The following ANO2 variants were observed in gnomAD, a reference collection of about 807,000 sequenced individuals.
ANO2 encodes anoctamin 2, also known as anoctamin-2.
In ANO2, 101 loss-of-function variants were observed where a neutral mutation model predicts 124.2. That is an observed-to-expected ratio of 0.81 (90% CI 0.69 to 0.96). The LOEUF is 0.96. ANO2 is among the 40% of genes least tolerant of loss of function. The pLI, the probability that ANO2 is intolerant of heterozygous loss-of-function variation, is 0.00. For synonymous variants in ANO2, 486 were observed against 482.5 expected, an observed-to-expected ratio of 1.01 and a Z score of -0.09; for missense variants, 1,293 against 1,274.5, an observed-to-expected ratio of 1.01 and a Z score of -0.22.
At chr12:5,876,585 GC>G (rs1565741958) in intron 3 of ANO2, among the ~76,000 whole-genome samples, 1 of 152,206 alleles carries the variant, frequency 6.6e-6, no homozygotes, top group African/African-American at 2.4e-5. Flanking sequence ...CAACCCAAAT[GC>G]CCATCAATGA....
chr12:5,813,999 A>G (rs149858405), intron 7 of ANO2, among the ~76,000 whole-genome samples: 1 of 152,252 alleles, frequency 6.6e-6, no homozygotes, highest in African/African-American at 2.4e-5. Context: ...CCTATCTTCC[A>G]TCTTCCCCTT....
intron 14 of ANO2, among the ~76,000 whole-genome samples, chr12:5,725,672 C>T (rs536723619): frequency 1.2e-3 from 188 of 152,168 alleles, no homozygotes; most frequent in African/African-American, 4.5e-3. Flanking sequence ...TTCCAGCTCC[C>T]ACTGGGTGGT....
rs1001453035 is a variant in ANO2 at position 5,575,979 on chromosome 12, G to C, written c.2476C>G (p.Arg826Gly). The change falls in exon 23 of 25, where the codon CGC (arginine) becomes GGC (glycine). Residue 826 changes from arginine (R) to glycine (G), a missense_variant. By Grantham distance (125) the Arg-to-Gly change is moderately radical. Transcript: ENST00000682330. ...CTGTAGGAGTACTGGTACACCAGGC[G>C]GGGGATAAAGTCGGAGGTGATCGCA... ...VIAITSDFIPRLVYQYSYSHN... is the reference protein window; with the variant it reads ...VIAITSDFIPGLVYQYSYSHN... The C allele has an allele frequency of 6.2e-7, 1 of 1,611,584 alleles. No homozygotes were observed. Among genetic ancestry groups the C allele is most frequent in the Non-Finnish European group, 8.5e-7 (1 of 1,178,854 alleles).
intron 13 of ANO2, chr12:5,733,164 T>C (rs1950715100): frequency 1.9e-6 from 1 of 518,950 alleles, no homozygotes; most frequent in African/African-American, 1.9e-5. Flanking sequence ...AAGTCAAGGG[T>C]GGCCATAGGG....
chr12:5,674,691 C>T (rs1424630945), intron 14 of ANO2, among the ~76,000 whole-genome samples: 1 of 152,302 alleles, frequency 6.6e-6, no homozygotes, highest in East Asian at 1.9e-4. Flanking sequence ...GCCACCTTGA[C>T]TGCAGTGGTT....
chr12:5,818,922 C>G (rs957243067), intron 7 of ANO2, among the ~76,000 whole-genome samples: 7 of 152,094 alleles, frequency 4.6e-5, no homozygotes, highest in Non-Finnish European at 8.8e-5. Context: ...TTCTAACTCC[C>G]AACTTCAAAA....
chr12:5,723,966 A>C (rs1473861382), intron 14 of ANO2, among the ~76,000 whole-genome samples: 1 of 152,150 alleles, frequency 6.6e-6, no homozygotes, highest in South Asian at 2.1e-4. Context: ...TGACTCCCCA[A>C]CCGCCCTTCA....
intron 14 of ANO2, among the ~76,000 whole-genome samples, chr12:5,666,026 C>T (rs940868714): frequency 1.3e-5 from 2 of 152,162 alleles, no homozygotes; most frequent in African/African-American, 2.4e-5. Flanking sequence ...TTGCCCTCTC[C>T]TTGGTCTCAT....
chr12:5,766,931 C>G (rs1160445144), intron 10 of ANO2, among the ~76,000 whole-genome samples: 1 of 152,188 alleles, frequency 6.6e-6, no homozygotes, highest in Non-Finnish European at 1.5e-5. Context: ...CCTTGAAAAG[C>G]AAGGCTGGCA....
chr12:5,742,014 G>C (rs1182867069), intron 12 of ANO2, among the ~76,000 whole-genome samples: 3 of 152,056 alleles, frequency 2.0e-5, no homozygotes, highest in Admixed American at 6.5e-5. Flanking sequence ...TCCCTTTTCA[G>C]TAGGACTTCA....
intron 7 of ANO2, among the ~76,000 whole-genome samples, chr12:5,813,613 G>A (rs770302864): frequency 6.6e-6 from 1 of 152,088 alleles, no homozygotes; most frequent in Non-Finnish European, 1.5e-5. Flanking sequence ...CTCACCAACT[G>A]CTCTGGATGC....
chr12:5,743,674 C>T (rs560573393), intron 12 of ANO2, among the ~76,000 whole-genome samples: 1 of 152,290 alleles, frequency 6.6e-6, no homozygotes, highest in Non-Finnish European at 1.5e-5. Flanking sequence ...AGTGCAGGGA[C>T]AGTACAGTCT....
intron 3 of ANO2, among the ~76,000 whole-genome samples, chr12:5,871,841 C>T (rs11063895): frequency 0.12 from 18,218 of 152,114 alleles, 2,984 homozygotes; most frequent in African/African-American, 0.37. Context: ...GGAGTGCAAC[C>T]ATCCATGTCT....
intron 4 of ANO2, among the ~76,000 whole-genome samples, chr12:5,850,377 C>G (rs1244978629): frequency 7.1e-6 from 1 of 141,496 alleles, no homozygotes; most frequent in Non-Finnish European, 1.5e-5. Flanking sequence ...GATTGCACCA[C>G]TGCACTCCAG....
At position 5,799,367 on chromosome 12, in the gene ANO2, C is replaced by A; in HGVS notation, c.1055+140G>T. 2.7e-6 allele frequency: 2 copies of A among 747,270 alleles called. 1 individual carries two copies. The highest frequency in any genetic ancestry group is 3.6e-5 in the South Asian group (2 of 54,820). 46.3% of individuals were successfully genotyped at this position (747,270 alleles called of 1,614,324 possible). ...CCCAGCTGCTTCCCCACCCATGAGA[C>A]ACAGAGGAGTGGATCATAGAAGCTA... On this transcript the variant is annotated intron_variant, in intron 10 of 24. Transcript: ENST00000682330.
At chr12:5,572,135 G>A (rs1942163465) in intron 23 of ANO2, among the ~76,000 whole-genome samples, 1 of 152,264 alleles carries the variant, frequency 6.6e-6, no homozygotes, top group South Asian at 2.1e-4. Flanking sequence ...GTGGTACCCT[G>A]TGGCCCTAAG....
At chr12:5,674,006 C>T (rs1370391527) in intron 14 of ANO2, among the ~76,000 whole-genome samples, 2 of 152,172 alleles carry the variant, frequency 1.3e-5, no homozygotes, top group South Asian at 2.1e-4. Context: ...GACCACCCTC[C>T]TCTCCTTTTC....
chr12:5,674,200 C>A (rs3951820), intron 14 of ANO2, among the ~76,000 whole-genome samples: 68,836 of 151,996 alleles, frequency 0.45, 17,085 homozygotes, highest in Middle Eastern at 0.61. Context: ...TATTACCACT[C>A]TCCACTATAG....
intron 12 of ANO2, chr12:5,740,010 T>G (rs1055000431): frequency 4.4e-6 from 2 of 455,530 alleles, no homozygotes; most frequent in Non-Finnish European, 8.8e-6. Flanking sequence ...TAGCAAATAG[T>G]TGTAGAATGC....
Sources: gnomAD v4.1 joint callset for allele counts (sites outside exome capture counted in the v4.1 genomes callset) on GRCh38, gnomAD v4.1.1 for gene constraint, MANE v1.5 for transcripts, NCBI Gene and HGNC (gene_info 2026-07-23, HGNC 2026-07-21) for gene names.